Variants in GYPB observed in about 807,000 individuals in gnomAD.
GYPB encodes glycophorin-B.
In GYPB, 13 loss-of-function variants were observed where a neutral mutation model predicts 15.3. That is an observed-to-expected ratio of 0.85 (90% CI 0.55 to 1.35). The LOEUF (loss-of-function observed/expected upper bound fraction) is 1.35. Among genes scored for constraint, GYPB ranks in the 40% most tolerant of loss-of-function variants. GYPB has a pLI of 0.00. For missense variants in GYPB, 131 were observed against 108.3 expected (o/e 1.21, Z -0.93); for synonymous variants, 38 against 36.9 (o/e 1.03, Z -0.11).
intron 4 of GYPB, among the ~76,000 whole-genome samples, chr4:143,997,162 C>T (rs1485310470): frequency 6.6e-6 from 1 of 151,186 alleles, no homozygotes; most frequent in Non-Finnish European, 1.5e-5. Flanking sequence ...CTGCCTTGGC[C>T]TCCTCCAAAG....
chr4:144,000,166 T>C (rs1008884862), intron 2 of GYPB: 2 of 163,222 alleles, frequency 1.2e-5, no homozygotes, highest in African/African-American at 4.9e-5. Flanking sequence ...TCAGGTATAT[T>C]TTTTCATTCT....
At chr4:144,017,787 C>T (rs1728584197) in intron 1 of GYPB, among the ~76,000 whole-genome samples, 1 of 151,264 alleles carries the variant, frequency 6.6e-6, no homozygotes. Flanking sequence ...AAGAATACAT[C>T]TTTTTTTCTG....
intron 1 of GYPB, among the ~76,000 whole-genome samples, chr4:144,016,398 T>C (rs1187221367): frequency 1.3e-5 from 2 of 149,722 alleles, no homozygotes; most frequent in Non-Finnish European, 2.9e-5. Flanking sequence ...CTCTCTTCTT[T>C]CCTTCCTTCT....
Position 144,011,089 on chromosome 4 carries a change from A to G in GYPB, c.37+8162T>C, listed in dbSNP as rs147492757. On this transcript the variant is annotated intron_variant, in intron 1 of 4. Coordinates refer to ENST00000502664, the MANE Select transcript of GYPB (RefSeq NM_002100.6). ...AGAAACTTTTAGATTGAGTCAAAAG[A>G]GATAGGTTAGGACTGGTGCAATGGC... 3.7e-4 allele frequency among the ~76,000 whole-genome samples: 56 copies of G among 151,666 alleles called. 6 individuals are homozygous for G. The highest frequency in any genetic ancestry group is 1.3e-3 in the African/African-American group (55 of 40,930).
chr4:144,011,261 T>G (rs1728206801), intron 1 of GYPB, among the ~76,000 whole-genome samples: 1 of 151,252 alleles, frequency 6.6e-6, no homozygotes, highest in South Asian at 2.1e-4. Context: ...GCGCCTGTAT[T>G]GTCAGCTACT....
chr4:144,002,762 G>C, intron 1 of GYPB: 2 of 1,115,852 alleles, frequency 1.8e-6, no homozygotes, highest in South Asian at 1.3e-5. Context: ...CAAGGGAAGA[G>C]TTCTAAAACC....
At chr4:143,996,086 A>G (rs943693516), downstream of GYPB, 17 of 1,299,824 alleles carry the variant, frequency 1.3e-5, no homozygotes, top group Admixed American at 5.7e-5. Flanking sequence ...ATAACAAATC[A>G]TGACTATAAT....
At chr4:144,018,300 C>G (rs10857417) in intron 1 of GYPB, among the ~76,000 whole-genome samples, 62,910 of 150,854 alleles carry the variant, frequency 0.42, 13,876 homozygotes, top group East Asian at 0.58. Flanking sequence ...CCAGTTCTGT[C>G]TGTTCCTCAT....
At chr4:144,010,468 C>G (rs1728158514) in intron 1 of GYPB, among the ~76,000 whole-genome samples, 1 of 150,620 alleles carries the variant, frequency 6.6e-6, no homozygotes, top group Admixed American at 6.6e-5. Flanking sequence ...AATCTTGTCT[C>G]TAAAAAAAAT....
chr4:144,019,064 G>A (rs1728651954), intron 1 of GYPB, among the ~76,000 whole-genome samples, 187 bp downstream of exon 1: 1 of 150,992 alleles, frequency 6.6e-6, no homozygotes, highest in Non-Finnish European at 1.5e-5. Context: ...ATAAATACTG[G>A]GCTCCCTTGT....
rs141787380 is a variant in GYPB at position 144,001,686 on chromosome 4, G to A, written c.38-403C>T. Among the ~76,000 whole-genome samples the A allele has an allele frequency of 5.2e-4, 79 of 151,314 alleles. 4 individuals are homozygous for A. Among genetic ancestry groups the A allele is most frequent in the African/African-American group, 1.8e-3 (72 of 40,676 alleles). On this transcript the variant is annotated intron_variant, in intron 1 of 4. Coordinates refer to ENST00000502664, the MANE Select transcript of GYPB (RefSeq NM_002100.6). ...GACACATAAAGAGCATTACATATAT[G>A]TTGGGTATTATTGTTATTATGCTTA...
Position 144,011,369 on chromosome 4 carries a change from G to C in GYPB, c.37+7882C>G, listed in dbSNP as rs1374739583. Among the ~76,000 whole-genome samples, 4 of 151,338 alleles carry C rather than the reference G, an allele frequency of 2.6e-5. 1 individual carries two copies. Among genetic ancestry groups the C allele is most frequent in the South Asian group, 2.1e-4 (1 of 4,824 alleles). ...CACTCCAGCCTGGGCGACAGAACGA[G>C]ACTCCATCTTCAAAATAAAGCAATA... On this transcript the variant is annotated intron_variant, in intron 1 of 4. Transcript: ENST00000502664.
At chr4:144,014,242 C>G (rs546443504) in intron 1 of GYPB, among the ~76,000 whole-genome samples, 5 of 151,942 alleles carry the variant, frequency 3.3e-5, no homozygotes, top group African/African-American at 9.7e-5. Flanking sequence ...AATTCTACCC[C>G]TATACATCTT....
intron 2 of GYPB, among the ~76,000 whole-genome samples, chr4:143,999,771 A>G (rs1727524479): frequency 6.6e-6 from 1 of 151,538 alleles, no homozygotes; most frequent in Non-Finnish European, 1.5e-5. Context: ...TGCATTTTTA[A>G]AACATGTAAA....
At chr4:144,016,254 T>C (rs948758828) in intron 1 of GYPB, among the ~76,000 whole-genome samples, 7 of 149,562 alleles carry the variant, frequency 4.7e-5, no homozygotes, top group African/African-American at 1.8e-4. Flanking sequence ...AGGGTAATAA[T>C]GATCTGTCTA....
intron 1 of GYPB, among the ~76,000 whole-genome samples, chr4:144,017,322 G>A (rs1408736043): frequency 7.0e-6 from 1 of 142,834 alleles, no homozygotes; most frequent in Non-Finnish European, 1.5e-5. Context: ...CAAGGCAATC[G>A]TCTTTTTTTC....
chr4:144,014,487 A>G (rs773043936), intron 1 of GYPB, among the ~76,000 whole-genome samples: 7 of 151,626 alleles, frequency 4.6e-5, no homozygotes, highest in Non-Finnish European at 7.4e-5. Flanking sequence ...GATACACGCT[A>G]CAATATGGAT....
At chr4:144,001,145 A>G in intron 2 of GYPB, 40 bp downstream of exon 2, 1 of 1,612,514 alleles carries the variant, frequency 6.2e-7, no homozygotes, top group South Asian at 1.1e-5. Flanking sequence ...CACAAAAATC[A>G]TTTCGGAGCC....
intron 1 of GYPB, among the ~76,000 whole-genome samples, chr4:144,011,479 A>G (rs148409623): frequency 0.025 from 3,860 of 151,448 alleles, 78 homozygotes; most frequent in South Asian, 0.046. Flanking sequence ...ACAGTGAAAA[A>G]GATTTACTTG....
Sources: allele counts gnomAD v4.1 joint callset (sites outside exome capture counted in the v4.1 genomes callset), GRCh38; gene constraint gnomAD v4.1.1; transcripts MANE v1.5; gene names NCBI Gene and HGNC (gene_info 2026-07-23, HGNC 2026-07-21).